CALCRL: variants seen among roughly 807,000 people sequenced by gnomAD.
CALCRL encodes calcitonin gene-related peptide type 1 receptor.
CALCRL carries 27 observed loss-of-function variants against 60.4 expected under a neutral mutation model. That is an observed-to-expected ratio of 0.45 (90% confidence interval 0.33 to 0.62). CALCRL has a LOEUF of 0.62. CALCRL is among the 20% of genes least tolerant of loss of function. The probability of loss-of-function intolerance (pLI) is 0.03; values close to 1 mark genes in which losing one functional copy is unlikely to be tolerated. For missense variants in CALCRL, 424 were observed against 540.7 expected, an observed-to-expected ratio of 0.78 and a Z score of 2.14; for synonymous variants, 190 against 182.6, an observed-to-expected ratio of 1.04 and a Z score of -0.33.
At chr2:187,346,791 T>C (rs1686295347) in intron 14 of CALCRL, among the ~76,000 whole-genome samples, 1 of 151,734 alleles carries the variant, frequency 6.6e-6, no homozygotes, top group Admixed American at 6.6e-5. Flanking sequence ...CGTGACAGGA[T>C]AAGCGAAAGA....
At chr2:187,380,924 T>C (rs1471533670) in intron 5 of CALCRL, 137 bp from the exon 6 acceptor site, 1 of 438,744 alleles carries the variant, frequency 2.3e-6, no homozygotes. Context: ...AAAATCTATA[T>C]ATAGAAATTA....
chr2:187,384,632 G>C (rs1054924810), intron 4 of CALCRL, among the ~76,000 whole-genome samples: 1 of 152,130 alleles, frequency 6.6e-6, no homozygotes, highest in African/African-American at 2.4e-5. Context: ...ACTTGAAAAT[G>C]TTTTCAAATA....
chr2:187,342,352 T>C lies in CALCRL; in HGVS notation c.*3832A>G, dbSNP rs900371923. 6.6e-6 allele frequency among the ~76,000 whole-genome samples: 1 copy of C among 151,722 alleles called. No individual in the cohort carries two copies. Among genetic ancestry groups the C allele is most frequent in the Non-Finnish European group, 1.5e-5 (1 of 67,690 alleles). On this transcript the variant is annotated 3_prime_UTR_variant, in exon 15 of 15. Coordinates refer to ENST00000392370, the MANE Select transcript of CALCRL (RefSeq NM_005795.6). ...GCGTGTCTCTATGGATGTATTAAAA[T>C]ATACTCTACTAATATACTAAAAACT...
intron 12 of CALCRL, among the ~76,000 whole-genome samples, chr2:187,356,727 G>A (rs1277762908): frequency 6.6e-6 from 1 of 152,122 alleles, no homozygotes; most frequent in Non-Finnish European, 1.5e-5. Flanking sequence ...CCTACAGAAT[G>A]GGAGAAATTT....
At chr2:187,389,433 C>A (rs1319079792) in intron 1 of CALCRL, among the ~76,000 whole-genome samples, 2 of 152,018 alleles carry the variant, frequency 1.3e-5, no homozygotes, top group Non-Finnish European at 2.9e-5. Flanking sequence ...TAGATAGTAA[C>A]AAGTTAATGT....
intron 8 of CALCRL, among the ~76,000 whole-genome samples, chr2:187,368,264 T>C (rs1031278073): frequency 1.3e-5 from 2 of 152,086 alleles, no homozygotes; most frequent in Admixed American, 1.3e-4. Context: ...TATCATATGG[T>C]TGATTTTAAT....
rs1012109531 is a variant in CALCRL, at chr2:187,448,124, A to G, written c.-378T>C. ...GAGATTCCGCAGAAGAGATTTACCC[A>G]CAAGCAAGGTGGGAAAGAGTGAAAG... On this transcript the variant is annotated 5_prime_UTR_variant, in exon 1 of 15. Transcript: ENST00000392370. The G allele has an allele frequency of 1.3e-5, 2 of 152,154 alleles. No individual in the cohort carries two copies. The highest frequency in any genetic ancestry group is 2.9e-5 in the Non-Finnish European group (2 of 68,028). The allele number at this position is 152,154 out of a possible 1,614,324, so 9.4% of individuals were successfully genotyped here.
chr2:187,400,228 T>TA (rs1282575618), intron 1 of CALCRL, among the ~76,000 whole-genome samples: 1 of 151,308 alleles, frequency 6.6e-6, no homozygotes, highest in Non-Finnish European at 1.5e-5. Flanking sequence ...GTCATTTTTT[T>TA]AAAAAAATTG....
chr2:187,386,782 G>A (rs1688222482), intron 3 of CALCRL, among the ~76,000 whole-genome samples: 1 of 152,060 alleles, frequency 6.6e-6, no homozygotes, highest in East Asian at 1.9e-4. Context: ...GTTGTGGGAG[G>A]GACCCAGTGG....
intron 8 of CALCRL, among the ~76,000 whole-genome samples, chr2:187,366,593 AAGAT>A (rs72246720): frequency 0.039 from 5,887 of 152,150 alleles, 363 homozygotes; most frequent in African/African-American, 0.13. Flanking sequence ...GAAGAGCTGA[AAGAT>A]AGGAGCTAGG....
chr2:187,406,178 A>G (rs1468068164), intron 1 of CALCRL, among the ~76,000 whole-genome samples: 1 of 111,530 alleles, frequency 9.0e-6, no homozygotes, highest in Non-Finnish European at 1.8e-5. Context: ...AAACCAAACC[A>G]AACACAACCA....
At chr2:187,382,885 T>G (rs1688037185) in intron 5 of CALCRL, among the ~76,000 whole-genome samples, 1 of 152,148 alleles carries the variant, frequency 6.6e-6, no homozygotes, top group Non-Finnish European at 1.5e-5. Flanking sequence ...CAACTGTCAT[T>G]AAGATTTGTG....
chr2:187,363,926 T>C (rs540007468), intron 8 of CALCRL, among the ~76,000 whole-genome samples: 3 of 152,332 alleles, frequency 2.0e-5, no homozygotes, highest in Non-Finnish European at 2.9e-5. Flanking sequence ...CATTACACCA[T>C]ATATATTGTT....
chr2:187,419,183 A>T (rs1559071231), intron 1 of CALCRL, among the ~76,000 whole-genome samples: 1 of 151,732 alleles, frequency 6.6e-6, no homozygotes, highest in Non-Finnish European at 1.5e-5. Context: ...GATACTATGG[A>T]CTAAATTGTG....
At chr2:187,371,497 A>G (rs1687516857) in intron 8 of CALCRL, among the ~76,000 whole-genome samples, 1 of 152,144 alleles carries the variant, frequency 6.6e-6, no homozygotes. Context: ...TAAATAAATG[A>G]AAAGCGAAAG....
At chr2:187,391,283 C>G (rs141006040) in intron 1 of CALCRL, among the ~76,000 whole-genome samples, 2 of 152,292 alleles carry the variant, frequency 1.3e-5, no homozygotes, top group East Asian at 3.9e-4. Flanking sequence ...ACAATTGATG[C>G]TAGTTAACCA....
Position 187,378,478 on chromosome 2 carries a change from G to A in CALCRL, c.500+462C>T, listed in dbSNP as rs561887610. On this transcript the variant is annotated intron_variant, in intron 8 of 14. Transcript: ENST00000392370. ...AATTAAACCTTTTTAATGATGACCC[G>A]CCAAACGAGGAAAAACCCTAAACAA... Among the ~76,000 whole-genome samples the A allele has an allele frequency of 4.6e-5, 7 of 152,090 alleles. No homozygotes were observed. The South Asian group carries it at 6.2e-4, about 14-fold the overall frequency.
intron 3 of CALCRL, among the ~76,000 whole-genome samples, chr2:187,386,219 T>C (rs1034017214): frequency 2.0e-5 from 3 of 152,090 alleles, no homozygotes; most frequent in East Asian, 3.8e-4. Flanking sequence ...GGTATTACAA[T>C]AGAGAGTTTT....
intron 8 of CALCRL, among the ~76,000 whole-genome samples, chr2:187,369,189 C>G (rs1044512510): frequency 6.6e-6 from 1 of 152,082 alleles, no homozygotes; most frequent in African/African-American, 2.4e-5. Context: ...TAGCCATGTC[C>G]ATTTTGTATG....
Sources: allele counts gnomAD v4.1 joint callset (sites outside exome capture counted in the v4.1 genomes callset), GRCh38; gene constraint gnomAD v4.1.1; transcripts MANE v1.5; gene names NCBI Gene and HGNC (gene_info 2026-07-23, HGNC 2026-07-21).